SNCAIP: variants seen among roughly 807,000 people sequenced by gnomAD.
SNCAIP encodes synphilin-1.
A neutral mutation model predicts 86.7 loss-of-function variants in SNCAIP; 43 were observed. The ratio of observed to expected loss-of-function variants is 0.50; its 90% CI spans 0.39 to 0.64. The LOEUF (loss-of-function observed/expected upper bound fraction) is 0.64. Ranked by LOEUF, SNCAIP falls within the 30% of genes least tolerant of loss-of-function variation. The probability of loss-of-function intolerance (pLI) is 0.00; values close to 1 mark genes in which losing one functional copy is unlikely to be tolerated. For synonymous variants in SNCAIP, 417 were observed against 427.2 expected, an observed-to-expected ratio of 0.98 and a Z score of 0.29; for missense variants, 981 against 1,103.1, an observed-to-expected ratio of 0.89 and a Z score of 1.57.
intron 1 of SNCAIP, among the ~76,000 whole-genome samples, chr5:122,349,106 T>C (rs1759253082): frequency 6.6e-6 from 1 of 152,230 alleles, no homozygotes; most frequent in Admixed American, 6.5e-5. Context: ...GCCACCACTC[T>C]GAATTTTCTA....
At chr5:122,389,833 G>A (rs567345125) in intron 1 of SNCAIP, 3 of 151,964 alleles carry the variant, frequency 2.0e-5, no homozygotes, top group African/African-American at 4.8e-5. Context: ...AAAAAAAGGA[G>A]AGGAAACAGG....
chr5:122,326,606 CTTTTTTTTTTTTTTTTTT>C (rs11297385), intron 1 of SNCAIP, among the ~76,000 whole-genome samples: 23 of 42,136 alleles, frequency 5.5e-4, no homozygotes, highest in South Asian at 2.3e-3. Flanking sequence ...GAAATGTCTC[CTTTTTTTTTTTTTTTTTT>C]TTTTTTTTTT....
chr5:122,421,203 C>T (rs377707921), intron 3 of SNCAIP, among the ~76,000 whole-genome samples: 2 of 152,168 alleles, frequency 1.3e-5, no homozygotes, highest in South Asian at 2.1e-4. Context: ...TTCCACAGCT[C>T]GTAGTATTCT....
intron 6 of SNCAIP, 85 bp from the exon 7 acceptor site, chr5:122,440,544 A>G: frequency 7.5e-7 from 1 of 1,326,802 alleles, no homozygotes; most frequent in Non-Finnish European, 1.1e-6. Flanking sequence ...TAAGCTTCAC[A>G]AATTAGGGTA....
chr5:122,423,214 T>C lies in SNCAIP; in HGVS notation c.477T>C (p.Ile159=), dbSNP rs1441279436. The part of the protein sequence containing the change: ...DMDEILDVPY[I]KSSQQLASFT... ...ATGAGATTCTGGATGTGCCTTATAT[T>C]AAATCCAGTCAGCAGCTTGCCTCTT... The change falls in exon 4 of 11, where the codon ATT becomes ATC. Residue 159 remains isoleucine (I), a synonymous_variant. Transcript: ENST00000261368. 3.7e-6 allele frequency: 6 copies of C among 1,614,014 alleles called. No individual in the cohort carries two copies. In the African/African-American group the frequency reaches 8.0e-5, roughly 22 times the overall value.
intron 1 of SNCAIP, among the ~76,000 whole-genome samples, chr5:122,349,291 A>C (rs914889385): frequency 5.3e-5 from 8 of 152,188 alleles, no homozygotes; most frequent in Admixed American, 6.5e-5. Flanking sequence ...CCACCCCAGA[A>C]AAATTAAATC....
intron 1 of SNCAIP, among the ~76,000 whole-genome samples, chr5:122,366,653 A>G (rs1008452814): frequency 6.6e-6 from 1 of 152,146 alleles, no homozygotes; most frequent in South Asian, 2.1e-4. Flanking sequence ...ACAGCATGAG[A>G]TATGCACAGA....
intron 10 of SNCAIP, among the ~76,000 whole-genome samples, chr5:122,456,429 T>C (rs1470995569): frequency 6.6e-6 from 1 of 152,168 alleles, no homozygotes; most frequent in East Asian, 1.9e-4. Flanking sequence ...GTTTAGGGTA[T>C]CATTCCCCCA....
chr5:122,454,003 C>T (rs1002384226), intron 10 of SNCAIP, among the ~76,000 whole-genome samples: 5 of 152,214 alleles, frequency 3.3e-5, no homozygotes, highest in Non-Finnish European at 5.9e-5. Flanking sequence ...AAATGATCCA[C>T]CTGCCTCAGC....
chr5:122,409,595 A>G (rs1437265804), intron 3 of SNCAIP, among the ~76,000 whole-genome samples: 3 of 152,254 alleles, frequency 2.0e-5, no homozygotes, highest in African/African-American at 4.8e-5. Flanking sequence ...AGGAAACAGT[A>G]CTTTTTAAAC....
At chr5:122,393,503 G>A (rs1769882773) in intron 2 of SNCAIP, among the ~76,000 whole-genome samples, 2 of 152,286 alleles carry the variant, frequency 1.3e-5, no homozygotes, top group South Asian at 4.1e-4. Context: ...TCTCCGGGAT[G>A]AATATAGTTT....
chr5:122,419,568 CT>C (rs1291278505), intron 3 of SNCAIP, among the ~76,000 whole-genome samples: 1 of 152,130 alleles, frequency 6.6e-6, no homozygotes, highest in African/African-American at 2.4e-5. Context: ...TATGAATCTA[CT>C]TATGTAAAGC....
intron 1 of SNCAIP, among the ~76,000 whole-genome samples, chr5:122,361,549 G>A (rs1762209157): frequency 6.6e-6 from 1 of 152,182 alleles, no homozygotes; most frequent in Non-Finnish European, 1.5e-5. Flanking sequence ...GTTTGAAGGA[G>A]CTGTTTTTTT....
At chr5:122,392,760 G>A (rs897007624) in intron 2 of SNCAIP, among the ~76,000 whole-genome samples, 7 of 152,158 alleles carry the variant, frequency 4.6e-5, no homozygotes, top group South Asian at 2.1e-4. Flanking sequence ...TTGTTGTGAC[G>A]ATTGAGTAAA....
At chr5:122,394,809 G>A (rs1435944986) in intron 2 of SNCAIP, among the ~76,000 whole-genome samples, 1 of 152,190 alleles carries the variant, frequency 6.6e-6, no homozygotes, top group Non-Finnish European at 1.5e-5. Flanking sequence ...CACCAATGTT[G>A]GCCGTGCCGC....
intron 1 of SNCAIP, among the ~76,000 whole-genome samples, chr5:122,355,092 C>G (rs1448115119): frequency 6.6e-6 from 1 of 152,112 alleles, no homozygotes; most frequent in Non-Finnish European, 1.5e-5. Flanking sequence ...AGTTTAGCCT[C>G]CTACTGTAAA....
intron 10 of SNCAIP, chr5:122,452,809 C>A: frequency 1.5e-6 from 1 of 686,718 alleles, no homozygotes; most frequent in Non-Finnish European, 2.6e-6. Flanking sequence ...AAAGTGCATA[C>A]TAAGCCACTG....
chr5:122,442,006 G>A (rs1781048133), intron 7 of SNCAIP, among the ~76,000 whole-genome samples: 1 of 151,782 alleles, frequency 6.6e-6, no homozygotes, highest in Non-Finnish European at 1.5e-5. Flanking sequence ...TATGGTTGAA[G>A]GTCATGATTA....
chr5:122,326,639 T>TAC (rs1754140643), intron 1 of SNCAIP, among the ~76,000 whole-genome samples: 1 of 107,836 alleles, frequency 9.3e-6, no homozygotes, highest in African/African-American at 4.3e-5. Context: ...TTTTTTTTTT[T>TAC]ACAATTAAGT....
Sources: allele counts gnomAD v4.1 joint callset (sites outside exome capture counted in the v4.1 genomes callset), GRCh38; gene constraint gnomAD v4.1.1; transcripts MANE v1.5; gene names NCBI Gene and HGNC (gene_info 2026-07-23, HGNC 2026-07-21).